Variants in FOXP1 observed in about 807,000 individuals in gnomAD.
FOXP1 encodes the protein forkhead box P1.
A neutral mutation model predicts 98.2 loss-of-function variants in FOXP1; 15 were observed. The ratio of observed to expected loss-of-function variants is 0.15; its 90% CI spans 0.10 to 0.24. The LOEUF (loss-of-function observed/expected upper bound fraction) is 0.24. Among genes scored for constraint, FOXP1 ranks in the 10% least tolerant of loss-of-function variants. The pLI is 1.00. For missense variants in FOXP1, 633 were observed against 848.5 expected (o/e 0.75, Z 3.15); for synonymous variants, 371 against 314.5 (o/e 1.18, Z -1.90).
At chr3:71,478,171 A>G (rs1373588870) in intron 3 of FOXP1, among the ~76,000 whole-genome samples, 1 of 152,210 alleles carries the variant, frequency 6.6e-6, no homozygotes, top group African/African-American at 2.4e-5. Flanking sequence ...TCACTCAAAA[A>G]TTAAAATATG....
At chr3:71,443,601 C>G in intron 3 of FOXP1, among the ~76,000 whole-genome samples, 1 of 152,110 alleles carries the variant, frequency 6.6e-6, no homozygotes, top group African/African-American at 2.4e-5. Context: ...ACACAGACTG[C>G]CAGCCCTCAT....
chr3:71,429,483 T>TGG (rs1419993730), intron 3 of FOXP1, among the ~76,000 whole-genome samples: 1 of 8,090 alleles, frequency 1.2e-4, no homozygotes, highest in African/African-American at 2.4e-4. Context: ...AACTTGGGGG[T>TGG]GGGGGGGCGG....
intron 2 of FOXP1, among the ~76,000 whole-genome samples, chr3:71,503,742 T>C (rs2041598990): frequency 6.6e-6 from 1 of 152,126 alleles, no homozygotes; most frequent in Admixed American, 6.6e-5. Context: ...AGGAAGCCTG[T>C]ATGGAGCCTC....
chr3:71,254,807 T>C (rs1282175297), intron 5 of FOXP1, among the ~76,000 whole-genome samples: 3 of 152,154 alleles, frequency 2.0e-5, no homozygotes, highest in African/African-American at 7.2e-5. Flanking sequence ...TAAAAGCAAA[T>C]CCACATTCAT....
chr3:71,336,137 G>T (rs6764264), intron 4 of FOXP1, among the ~76,000 whole-genome samples: 1 of 149,994 alleles, frequency 6.7e-6, no homozygotes, highest in Non-Finnish European at 1.5e-5. Flanking sequence ...AGGAGCGAAT[G>T]CAAAGAAGTT....
intron 4 of FOXP1, chr3:71,334,558 T>C (rs1026031413): frequency 6.6e-6 from 1 of 152,190 alleles, no homozygotes; most frequent in Admixed American, 6.5e-5. Context: ...CACTGAAGCA[T>C]ATTTGCTCCA....
chr3:71,030,659 G>C (rs1317332902), intron 11 of FOXP1, among the ~76,000 whole-genome samples: 1 of 152,238 alleles, frequency 6.6e-6, no homozygotes, highest in Non-Finnish European at 1.5e-5. Context: ...AGTGTCCTGT[G>C]ACTTCTGTCC....
intron 7 of FOXP1, among the ~76,000 whole-genome samples, chr3:71,069,668 T>G (rs1338915300): frequency 6.6e-6 from 1 of 152,200 alleles, no homozygotes; most frequent in Non-Finnish European, 1.5e-5. Context: ...GTGTAATTTG[T>G]TATTTCCCTC....
Position 71,328,974 on chromosome 3 carries a change from T to TAAA in FOXP1, c.-72-29097_-72-29095dup, listed in dbSNP as rs869252301. 8.9e-3 allele frequency among the ~76,000 whole-genome samples: 277 copies of TAAA among 31,172 alleles called. 24 individuals carry two copies. Among genetic ancestry groups the TAAA allele is most frequent in the African/African-American group, 0.021 (237 of 11,070 alleles). The allele number at this position is 31,172 out of a possible 152,430, so 20.5% of individuals were successfully genotyped here. On this transcript the variant is annotated intron_variant, in intron 4 of 20. Coordinates refer to ENST00000649528, the MANE Select transcript of FOXP1 (RefSeq NM_001349338.3). Reference sequence around the variant, plus strand: ...CAACAAGAGCGAAACTCCATCTCGCTAAAAAAAAAAAAAAACAAAAAAAAA... The same window carrying TAAA: ...CAACAAGAGCGAAACTCCATCTCGCTAAAAAAAAAAAAAAAAAACAAAAAAAAA...
At chr3:71,475,017 G>A (rs1292968122) in intron 3 of FOXP1, among the ~76,000 whole-genome samples, 3 of 151,896 alleles carry the variant, frequency 2.0e-5, no homozygotes, top group Non-Finnish European at 4.4e-5. Context: ...ACTGCCATCC[G>A]CTGTGTCAGG....
intron 5 of FOXP1, among the ~76,000 whole-genome samples, chr3:71,229,300 A>G (rs1455410892): frequency 6.6e-6 from 1 of 152,216 alleles, no homozygotes; most frequent in Non-Finnish European, 1.5e-5. Context: ...CATGTTTCAA[A>G]TACCAGAACT....
intron 10 of FOXP1, among the ~76,000 whole-genome samples, chr3:71,046,286 A>G (rs1157854192): frequency 5.9e-5 from 9 of 152,200 alleles, no homozygotes; most frequent in Non-Finnish European, 2.9e-5. Context: ...TGTAAAAGAA[A>G]TTTACTAAAT....
At chr3:71,279,249 T>G (rs979464017) in intron 5 of FOXP1, among the ~76,000 whole-genome samples, 1 of 149,658 alleles carries the variant, frequency 6.7e-6, no homozygotes, top group East Asian at 2.0e-4. Flanking sequence ...AATACATACA[T>G]AAAATTTCAA....
intron 3 of FOXP1, among the ~76,000 whole-genome samples, chr3:71,397,058 A>G (rs752850561): frequency 0.027 from 2,626 of 98,188 alleles, 587 homozygotes; most frequent in African/African-American, 0.052. Flanking sequence ...ACACATATAT[A>G]TGTGTATATA....
chr3:71,284,105 ATG>A (rs1447474843), intron 5 of FOXP1, among the ~76,000 whole-genome samples: 1 of 152,238 alleles, frequency 6.6e-6, no homozygotes, highest in Admixed American at 6.5e-5. Context: ...AAACAAAAAA[ATG>A]TTGAAACTCT....
chr3:71,394,544 T>C (rs1465420366), intron 3 of FOXP1, among the ~76,000 whole-genome samples: 2 of 152,334 alleles, frequency 1.3e-5, no homozygotes, highest in Middle Eastern at 3.4e-3. Context: ...TGCATTTTTA[T>C]AGTTTTAAAA....
At chr3:71,573,949 G>T (rs1359058623) in intron 2 of FOXP1, 1 of 152,188 alleles carries the variant, frequency 6.6e-6, no homozygotes, top group Non-Finnish European at 1.5e-5. Context: ...AAGGCGGAAT[G>T]ACTTCGCATC....
chr3:70,970,887 G>A (rs1559597034), intron 18 of FOXP1, 82 bp from the exon 19 acceptor site: 1 of 1,086,510 alleles, frequency 9.2e-7, no homozygotes, highest in Non-Finnish European at 1.4e-6. Context: ...TAAGCTTGCT[G>A]GTGCCCTTCC....
At chr3:71,307,056 AT>A (rs967166641) in intron 4 of FOXP1, among the ~76,000 whole-genome samples, 5 of 152,174 alleles carry the variant, frequency 3.3e-5, no homozygotes, top group East Asian at 1.9e-4. Context: ...TAACTTAATT[AT>A]TTTTTAATAA....
Sources: gnomAD v4.1 joint callset for allele counts (sites outside exome capture counted in the v4.1 genomes callset) on GRCh38, gnomAD v4.1.1 for gene constraint, MANE v1.5 for transcripts, NCBI Gene and HGNC (gene_info 2026-07-23, HGNC 2026-07-21) for gene names.